MAP7: variants seen among roughly 807,000 people sequenced by gnomAD.
The protein encoded by MAP7 is microtubule associated protein 7, also known as ensconsin.
Under a neutral mutation model 94.8 loss-of-function variants are expected in MAP7, and 52 were observed. The observed-to-expected ratio is 0.55, with a 90% CI of 0.44 to 0.69. The LOEUF is 0.69. MAP7 is among the 30% of genes least tolerant of loss of function. MAP7 has a pLI of 0.00. For missense variants in MAP7, 940 were observed against 964.6 expected (o/e 0.97, Z 0.34); for synonymous variants, 350 against 357.0 (o/e 0.98, Z 0.22).
intron 1 of MAP7, among the ~76,000 whole-genome samples, chr6:136,456,241 CT>C (rs1415085003): frequency 6.6e-6 from 1 of 152,148 alleles, no homozygotes; most frequent in Non-Finnish European, 1.5e-5. Flanking sequence ...GAGAAAAAGA[CT>C]TTTTGCCTTT....
intron 1 of MAP7, among the ~76,000 whole-genome samples, chr6:136,504,804 C>A (rs1820893908): frequency 6.6e-6 from 1 of 152,198 alleles, no homozygotes; most frequent in South Asian, 2.1e-4. Flanking sequence ...CCCAGCCTCC[C>A]AAGGAGCTGG....
At chr6:136,493,478 C>G (rs530760289) in intron 1 of MAP7, among the ~76,000 whole-genome samples, 100 of 152,248 alleles carry the variant, frequency 6.6e-4, no homozygotes, top group African/African-American at 2.2e-3. Flanking sequence ...AGTGCAATGG[C>G]TTGAACATTG....
At chr6:136,391,004 G>A (rs528406273) in intron 3 of MAP7, among the ~76,000 whole-genome samples, 2 of 152,256 alleles carry the variant, frequency 1.3e-5, no homozygotes, top group Admixed American at 1.3e-4. Flanking sequence ...GAGGACACTG[G>A]TCTTCAAGGT....
intron 1 of MAP7, among the ~76,000 whole-genome samples, chr6:136,485,023 C>T (rs1260647460): frequency 2.0e-5 from 3 of 152,120 alleles, no homozygotes; most frequent in African/African-American, 4.8e-5. Context: ...AGCTGTGAAT[C>T]GTAACATTAA....
In MAP7 at chr6:136,375,197, AG is replaced by A; in HGVS notation, c.751+2557del. Among the ~76,000 whole-genome samples the A allele has an allele frequency of 2.0e-5, 3 of 152,340 alleles. 1 individual carries two copies. Among genetic ancestry groups the A allele is most frequent in the Middle Eastern group, 3.4e-3 (1 of 294 alleles). On this transcript the variant is annotated intron_variant, in intron 7 of 17. Transcript: ENST00000354570. Reference sequence around the variant, plus strand: ...GGTAATACGGTACTAGCATTTACTGAGGGCCTACTATGTGCAGGTACTAGTC... The same window carrying A: ...GGTAATACGGTACTAGCATTTACTGAGGCCTACTATGTGCAGGTACTAGTC...
At chr6:136,424,242 C>G in intron 1 of MAP7, among the ~76,000 whole-genome samples, 1 of 150,522 alleles carries the variant, frequency 6.6e-6, no homozygotes, top group Non-Finnish European at 1.5e-5. Context: ...TTGTATATAC[C>G]CTTATAAAAG....
At position 136,434,075 on chromosome 6, in the gene MAP7, G is replaced by A. The variant is rs538479229; in HGVS notation, c.68-12276C>T. ...TAACCACAGCACTTTGGGGTGCCAG[G>A]GCGAGTGGATCGCTGAGCTCAGGAG... On this transcript the variant is annotated intron_variant, in intron 1 of 17. Transcript: ENST00000354570. 6.6e-5 allele frequency among the ~76,000 whole-genome samples: 10 copies of A among 152,214 alleles called. No homozygotes were observed. The East Asian group carries it at 1.7e-3, about 27-fold the overall frequency.
At chr6:136,354,191 T>C (rs1338012926) in intron 16 of MAP7, among the ~76,000 whole-genome samples, 1 of 144,990 alleles carries the variant, frequency 6.9e-6, no homozygotes, top group African/African-American at 2.5e-5. Context: ...AAAATATATA[T>C]ATCTACTATA....
intron 1 of MAP7, chr6:136,545,139 G>A (rs979014025): frequency 6.6e-6 from 1 of 152,170 alleles, no homozygotes; most frequent in African/African-American, 2.4e-5. Context: ...CAAAGTTGGT[G>A]TGTATGTCGC....
chr6:136,468,081 C>A (rs1328565142), intron 1 of MAP7, among the ~76,000 whole-genome samples: 1 of 152,110 alleles, frequency 6.6e-6, no homozygotes, highest in Non-Finnish European at 1.5e-5. Context: ...CCCCAGAGAC[C>A]CAGCATCAGA....
At chr6:136,526,686 C>T in intron 1 of MAP7, 1 of 985,468 alleles carries the variant, frequency 1.0e-6, no homozygotes, top group Non-Finnish European at 1.2e-6. Context: ...TTTGCTTGCA[C>T]AAGCAGCAGT....
intron 8 of MAP7, among the ~76,000 whole-genome samples, chr6:136,372,009 C>T (rs1241882298): frequency 1.3e-5 from 2 of 152,032 alleles, no homozygotes; most frequent in African/African-American, 2.4e-5. Context: ...TTTTAAGATC[C>T]CTTGACAGGG....
chr6:136,531,643 T>C (rs1166114112), intron 1 of MAP7, among the ~76,000 whole-genome samples: 1 of 144,374 alleles, frequency 6.9e-6, no homozygotes, highest in Non-Finnish European at 1.5e-5. Context: ...AGACTAGCTA[T>C]GTAACTACTT....
chr6:136,362,013 TGA>T (rs1422912340), intron 11 of MAP7, among the ~76,000 whole-genome samples: 1 of 152,228 alleles, frequency 6.6e-6, no homozygotes, highest in Non-Finnish European at 1.5e-5. Context: ...CCCATACTGT[TGA>T]GAGACTAGAA....
rs114688095 is a variant in MAP7, at chr6:136,398,674, G to T, written c.245-9157C>A. 2.0e-3 allele frequency among the ~76,000 whole-genome samples: 308 copies of T among 152,300 alleles called. 1 individual carries two copies. The highest frequency in any genetic ancestry group is 6.7e-3 in the African/African-American group (279 of 41,568). On this transcript the variant is annotated intron_variant, in intron 3 of 17. Coordinates refer to ENST00000354570, the MANE Select transcript of MAP7 (RefSeq NM_003980.6). ...ATTTGCTCTTGCCACCACCATGTAG[G>T]AATTGCCCTTTGCCTCCTGCTACGA...
intron 1 of MAP7, among the ~76,000 whole-genome samples, chr6:136,475,673 T>C (rs1380674075): frequency 6.6e-6 from 1 of 152,228 alleles, no homozygotes; most frequent in Non-Finnish European, 1.5e-5. Flanking sequence ...TATCAAAAAT[T>C]ATAATTAGTT....
chr6:136,526,826 A>G, intron 1 of MAP7: 1 of 276,386 alleles, frequency 3.6e-6, no homozygotes. Flanking sequence ...CCCACAGAGC[A>G]GCTCACTTTA....
At chr6:136,449,153 G>T (rs945797118) in intron 1 of MAP7, among the ~76,000 whole-genome samples, 3 of 152,104 alleles carry the variant, frequency 2.0e-5, no homozygotes, top group Non-Finnish European at 4.4e-5. Flanking sequence ...AAATTAGCCG[G>T]GCATGGTGGC....
At position 136,504,783 on chromosome 6, in the gene MAP7, C is replaced by T. The variant is rs562828700; in HGVS notation, c.67+45559G>A. On this transcript the variant is annotated intron_variant, in intron 1 of 17. Transcript: ENST00000354570. ...GCAACCTCTGCCTCCCAGGTTCAAG[C>T]GATTCTTGTGCCCAGCCTCCCAAGG... is the stretch of plus-strand genomic sequence containing the variant. 3.3e-5 allele frequency among the ~76,000 whole-genome samples: 5 copies of T among 152,278 alleles called. 1 individual carries two copies. The highest frequency in any genetic ancestry group is 1.2e-4 in the African/African-American group (5 of 41,564).
Sources: allele counts gnomAD v4.1 joint callset (sites outside exome capture counted in the v4.1 genomes callset), GRCh38; gene constraint gnomAD v4.1.1; transcripts MANE v1.5; gene names NCBI Gene and HGNC (gene_info 2026-07-23, HGNC 2026-07-21).